AHCY: variants seen among roughly 807,000 people sequenced by gnomAD.
AHCY encodes the protein adenosylhomocysteinase.
AHCY carries 24 observed loss-of-function variants against 45.4 expected under a neutral mutation model. The observed-to-expected ratio is 0.53, with a 90% CI of 0.38 to 0.74. The LOEUF (loss-of-function observed/expected upper bound fraction) is 0.74, where lower values mean the gene tolerates loss of function less well. AHCY is among the 30% of genes least tolerant of loss of function. The pLI is 0.00. For synonymous variants in AHCY, 245 were observed against 235.1 expected (o/e 1.04, Z -0.39); for missense variants, 449 against 594.1 (o/e 0.76, Z 2.54).
At chr20:34,237,597 C>G in the AHCY span, among the ~76,000 whole-genome samples, 1 of 152,170 alleles carries the variant, frequency 6.6e-6, no homozygotes, top group Non-Finnish European at 1.5e-5. Context: ...TATCTGTGAA[C>G]AGAGATCATT....
the AHCY span, among the ~76,000 whole-genome samples, chr20:34,263,570 C>T: frequency 6.6e-6 from 1 of 151,500 alleles, no homozygotes; most frequent in East Asian, 1.9e-4. Context: ...AAAACAACAA[C>T]AACAAAAAAT....
At chr20:34,241,186 A>C in the AHCY span, among the ~76,000 whole-genome samples, 1 of 152,224 alleles carries the variant, frequency 6.6e-6, no homozygotes, top group African/African-American at 2.4e-5. Flanking sequence ...TTTTATATGA[A>C]CTGGGTTGCT....
the AHCY span, among the ~76,000 whole-genome samples, chr20:34,261,342 A>T: frequency 8.2e-3 from 1,245 of 152,156 alleles, 17 homozygotes; most frequent in African/African-American, 0.029. Flanking sequence ...CTACAGAAAA[A>T]TTTAAAAACT....
the AHCY span, chr20:34,241,634 A>C: frequency 3.0e-6 from 2 of 669,352 alleles, no homozygotes; most frequent in Non-Finnish European, 3.7e-6. Context: ...AGAGTAGTTA[A>C]GAGGAGTTCA....
Position 34,295,605 on chromosome 20 carries a change from G to A in AHCY, c.29-20C>T. 6.2e-7 allele frequency: 1 copy of A among 1,611,890 alleles called. No homozygotes were observed. Among genetic ancestry groups the A allele is most frequent in the South Asian group, 1.1e-5 (1 of 90,624 alleles). ...TGTCGGCTACGGGAGGAAACAGGTG[G>A]GAGTTCCGTGAGTCCCCTCATCCCA... On this transcript the variant is annotated intron_variant, in intron 1 of 9. Transcript: ENST00000217426.
At chr20:34,258,800 AAT>A in the AHCY span, among the ~76,000 whole-genome samples, 10 of 118,042 alleles carry the variant, frequency 8.5e-5, no homozygotes, top group Admixed American at 4.5e-4. Context: ...GTGTATATAT[AAT>A]ATATGATATA....
At chr20:34,273,968 G>A in the AHCY span, among the ~76,000 whole-genome samples, 1 of 77,600 alleles carries the variant, frequency 1.3e-5, no homozygotes, top group South Asian at 4.8e-4. Flanking sequence ...AGTCTGGGAG[G>A]TGGCACCTTC....
intron 1 of AHCY, among the ~76,000 whole-genome samples, chr20:34,298,602 C>T (rs1304353734): frequency 1.5e-3 from 15 of 9,994 alleles, no homozygotes; most frequent in Non-Finnish European, 8.2e-3. Flanking sequence ...GAAGTGGCGG[C>T]GGCGGGAGGG....
the AHCY span, among the ~76,000 whole-genome samples, chr20:34,271,130 C>A: frequency 1.3e-5 from 2 of 151,706 alleles, no homozygotes; most frequent in African/African-American, 4.9e-5. Context: ...TTAGTAGAGA[C>A]AGGGTTTCGC....
chr20:34,305,951 G>A (rs1401618553), upstream of AHCY, among the ~76,000 whole-genome samples: 3 of 151,794 alleles, frequency 2.0e-5, no homozygotes, highest in Non-Finnish European at 4.4e-5. Flanking sequence ...GCGTGATGGT[G>A]CACGTCTGTA....
rs373155140 is a variant in AHCY, at chr20:34,290,123, A to G, written c.972+209T>C. ...GTGATCTTTCTAAAACTACAGCCTCACCACATACAGCTCACCTGCCTGATA... is the reference window on the plus strand; with the variant it reads ...GTGATCTTTCTAAAACTACAGCCTCGCCACATACAGCTCACCTGCCTGATA... On this transcript the variant is annotated intron_variant, in intron 8 of 9. Transcript: ENST00000217426. The surrounding 1 kb of genome is among the most constrained non-coding windows in gnomAD (Gnocchi z 4.5). 2.0e-5 allele frequency among the ~76,000 whole-genome samples: 3 copies of G among 152,178 alleles called. No individual in the cohort carries two copies. The East Asian group carries it at 5.8e-4, about 29-fold the overall frequency.
chr20:34,306,824 A>G (rs1036294668), upstream of AHCY, among the ~76,000 whole-genome samples: 1 of 152,244 alleles, frequency 6.6e-6, no homozygotes, highest in East Asian at 1.9e-4. Context: ...TATATTACAT[A>G]GTATATTATT....
At chr20:34,256,052 C>T in the AHCY span, among the ~76,000 whole-genome samples, 2 of 152,256 alleles carry the variant, frequency 1.3e-5, no homozygotes, top group Non-Finnish European at 2.9e-5. Flanking sequence ...TGTTCCACCC[C>T]GTACACCTGG....
intron 1 of AHCY, among the ~76,000 whole-genome samples, chr20:34,299,960 G>A (rs978843105): frequency 3.9e-5 from 6 of 152,144 alleles, no homozygotes; most frequent in East Asian, 1.9e-4. Context: ...CAAGGTGGGC[G>A]GATCACCCGA....
At chr20:34,251,785 A>G in the AHCY span, among the ~76,000 whole-genome samples, 1 of 152,168 alleles carries the variant, frequency 6.6e-6, no homozygotes, top group South Asian at 2.1e-4. Context: ...TAGTGCCTTT[A>G]CAAAAGAGGC....
At chr20:34,233,129 G>A in the AHCY span, among the ~76,000 whole-genome samples, 75 of 144,224 alleles carry the variant, frequency 5.2e-4, no homozygotes, top group African/African-American at 1.8e-3. Flanking sequence ...AGTCAACTGT[G>A]AATGGGACAA....
intron 9 of AHCY, 61 bp from the exon 10 acceptor site, chr20:34,281,226 C>A: frequency 6.2e-7 from 1 of 1,606,292 alleles, no homozygotes; most frequent in South Asian, 1.1e-5. Flanking sequence ...CTACACGCGT[C>A]TGGCTGCCAA....
chr20:34,297,266 C>T (rs1022299181), intron 1 of AHCY, among the ~76,000 whole-genome samples: 11 of 152,008 alleles, frequency 7.2e-5, no homozygotes, highest in Non-Finnish European at 1.2e-4. Flanking sequence ...ATCACAACCC[C>T]ACCAAGACAT....
chr20:34,262,030 T>C, the AHCY span, among the ~76,000 whole-genome samples: 1 of 151,820 alleles, frequency 6.6e-6, no homozygotes, highest in Non-Finnish European at 1.5e-5. Context: ...GGAAAATCAC[T>C]TGAACCCAGG....
Sources: gnomAD v4.1 joint callset for allele counts (sites outside exome capture counted in the v4.1 genomes callset) on GRCh38, gnomAD v4.1.1 for gene constraint, Gnocchi (gnomAD v3.1) non-coding constraint, MANE v1.5 for transcripts, NCBI Gene and HGNC (gene_info 2026-07-23, HGNC 2026-07-21) for gene names.